Variants in PLEKHM3 observed in about 807,000 individuals in gnomAD.
PLEKHM3 encodes pleckstrin homology domain-containing family M member 3.
Under a neutral mutation model 81.8 loss-of-function variants are expected in PLEKHM3, and 45 were observed. The observed-to-expected ratio is 0.55, with a 90% CI of 0.43 to 0.71. PLEKHM3 has a LOEUF of 0.71. Among genes scored for constraint, PLEKHM3 ranks in the 30% least tolerant of loss-of-function variants. PLEKHM3 has a pLI of 0.00. For missense variants in PLEKHM3, 788 were observed against 924.3 expected, an observed-to-expected ratio of 0.85 and a Z score of 1.91; for synonymous variants, 352 against 356.4, an observed-to-expected ratio of 0.99 and a Z score of 0.14.
chr2:207,954,591 A>G (rs1690443892), intron 3 of PLEKHM3, among the ~76,000 whole-genome samples: 1 of 152,202 alleles, frequency 6.6e-6, no homozygotes, highest in South Asian at 2.1e-4. Context: ...CAACCAAAAA[A>G]ATAAAATCAA....
At chr2:207,884,349 A>G (rs1687818218) in intron 6 of PLEKHM3, among the ~76,000 whole-genome samples, 2 of 152,236 alleles carry the variant, frequency 1.3e-5, no homozygotes, top group Non-Finnish European at 1.5e-5. Context: ...GCAATCATGC[A>G]AGAAACAGAA....
intron 7 of PLEKHM3, among the ~76,000 whole-genome samples, chr2:207,853,010 C>T (rs950068044): frequency 6.6e-6 from 1 of 152,190 alleles, no homozygotes; most frequent in Non-Finnish European, 1.5e-5. Flanking sequence ...GCTCCTCCCA[C>T]GCTTTCATAG....
intron 7 of PLEKHM3, among the ~76,000 whole-genome samples, chr2:207,858,174 G>GTA (rs1553544950): frequency 7.3e-4 from 90 of 123,286 alleles, no homozygotes; most frequent in Non-Finnish European, 8.1e-4. Flanking sequence ...GTGTGTGTGT[G>GTA]TATATATTTT....
intron 4 of PLEKHM3, among the ~76,000 whole-genome samples, chr2:207,934,679 T>G (rs1402805824): frequency 6.6e-6 from 1 of 151,782 alleles, no homozygotes; most frequent in African/African-American, 2.4e-5. Flanking sequence ...CAGGAGGAGG[T>G]GGAGAAAATG....
chr2:207,917,520 T>C (rs960513296), intron 5 of PLEKHM3, among the ~76,000 whole-genome samples: 1 of 152,150 alleles, frequency 6.6e-6, no homozygotes, highest in African/African-American at 2.4e-5. Context: ...ACATTGCAAC[T>C]CCAGTCTGTG....
At chr2:207,865,663 G>C (rs56199150) in intron 6 of PLEKHM3, among the ~76,000 whole-genome samples, 94,694 of 147,630 alleles carry the variant, frequency 0.64, 30,977 homozygotes, top group African/African-American at 0.73. Flanking sequence ...GCCTGTAATC[G>C]CAGCTACTCG....
intron 1 of PLEKHM3, among the ~76,000 whole-genome samples, chr2:208,015,752 A>C (rs1692884997): frequency 6.6e-6 from 1 of 152,214 alleles, no homozygotes; most frequent in Non-Finnish European, 1.5e-5. Context: ...ATCATTTTTT[A>C]TTTAGCCAAT....
intron 6 of PLEKHM3, among the ~76,000 whole-genome samples, chr2:207,890,552 C>T (rs550169840): frequency 2.8e-4 from 43 of 152,162 alleles, no homozygotes; most frequent in African/African-American, 1.2e-4. Context: ...TGTTTGAATC[C>T]GGATGGTGGA....
chr2:207,977,926 A>C (rs912142233), intron 2 of PLEKHM3, among the ~76,000 whole-genome samples: 23 of 152,222 alleles, frequency 1.5e-4, no homozygotes, highest in Non-Finnish European at 3.2e-4. Flanking sequence ...GTCTCTATAA[A>C]AAATTAAAAA....
At chr2:208,005,693 T>G (rs1452728091) in intron 1 of PLEKHM3, among the ~76,000 whole-genome samples, 1 of 152,224 alleles carries the variant, frequency 6.6e-6, no homozygotes, top group Non-Finnish European at 1.5e-5. Context: ...TTTAATTGAC[T>G]TATTTAACAT....
Position 207,946,460 on chromosome 2 carries a change from G to A in PLEKHM3, c.1599C>T (p.Tyr533=). 1 of 1,614,164 alleles carries A rather than the reference G, an allele frequency of 6.2e-7. No homozygotes were observed. Among genetic ancestry groups the A allele is most frequent in the Admixed American group, 1.7e-5 (1 of 60,022 alleles). ...AGCTACTGCAGTAATACCACCCACT[G>A]TAGTTGCACACCTTGGCTTTCCCAT... The part of the protein sequence containing the change: ...LSNGKAKVCN[Y]SGWYYCSSCH... The change falls in exon 4 of 8, where the codon TAC becomes TAT. Residue 533 remains tyrosine (Y), a synonymous_variant. Coordinates refer to ENST00000427836, the MANE Select transcript of PLEKHM3 (RefSeq NM_001080475.3).
Position 207,951,078 on chromosome 2 carries a change from T to A in PLEKHM3, c.1547-4566A>T, listed in dbSNP as rs570696364. ...TTTTTCAATTAACTGCAAGATTTCC[T>A]TTACTATCAGAGTAGCAAATCATGG... On this transcript the variant is annotated intron_variant, in intron 3 of 7. Transcript: ENST00000427836. Among the ~76,000 whole-genome samples the A allele has an allele frequency of 1.1e-4, 16 of 152,322 alleles. No homozygotes were observed. The South Asian group carries it at 3.3e-3, about 32-fold the overall frequency.
chr2:207,897,907 C>G (rs1390318433), intron 6 of PLEKHM3, among the ~76,000 whole-genome samples: 1 of 152,176 alleles, frequency 6.6e-6, no homozygotes, highest in African/African-American at 2.4e-5. Context: ...GCCACCTGAC[C>G]TTTGTCTTCA....
intron 7 of PLEKHM3, among the ~76,000 whole-genome samples, chr2:207,857,895 T>G (rs895654716): frequency 2.0e-5 from 3 of 151,554 alleles, no homozygotes; most frequent in African/African-American, 7.3e-5. Context: ...TTTTTTTATC[T>G]AGTTTCTTAA....
chr2:207,990,014 A>G (rs1044172049), intron 2 of PLEKHM3, among the ~76,000 whole-genome samples: 5 of 152,180 alleles, frequency 3.3e-5, no homozygotes, highest in South Asian at 2.1e-4. Flanking sequence ...AAACTTGCCA[A>G]TAAGTCACTC....
chr2:207,957,898 C>A (rs912205578), intron 3 of PLEKHM3, among the ~76,000 whole-genome samples: 1 of 152,166 alleles, frequency 6.6e-6, no homozygotes, highest in Non-Finnish European at 1.5e-5. Context: ...GTAATGTCTG[C>A]AGACATTTTT....
chr2:207,838,392 G>C (rs2092332068), intron 7 of PLEKHM3, among the ~76,000 whole-genome samples: 1 of 152,196 alleles, frequency 6.6e-6, no homozygotes, highest in African/African-American at 2.4e-5. Context: ...CTTTTAGTTT[G>C]TAAACCAAGT....
At chr2:208,020,928 CTAGAGA>C (rs1422839172) in intron 1 of PLEKHM3, among the ~76,000 whole-genome samples, 4 of 152,302 alleles carry the variant, frequency 2.6e-5, no homozygotes, top group Admixed American at 2.6e-4. Flanking sequence ...TGGAAACTGA[CTAGAGA>C]TAAAGAATCC....
At chr2:207,909,917 G>A (rs1688757000) in intron 5 of PLEKHM3, among the ~76,000 whole-genome samples, 1 of 152,124 alleles carries the variant, frequency 6.6e-6, no homozygotes, top group Non-Finnish European at 1.5e-5. Context: ...TATTGATTAA[G>A]CACACATTGC....
Sources: gnomAD v4.1 joint callset for allele counts (sites outside exome capture counted in the v4.1 genomes callset) on GRCh38, gnomAD v4.1.1 for gene constraint, MANE v1.5 for transcripts, NCBI Gene and HGNC (gene_info 2026-07-23, HGNC 2026-07-21) for gene names.